SLC24A2: variants seen among roughly 807,000 people sequenced by gnomAD.
SLC24A2 encodes the protein sodium/potassium/calcium exchanger 2.
SLC24A2 carries 36 observed loss-of-function variants against 62.0 expected under a neutral mutation model. The observed-to-expected ratio is 0.58, with a 90% CI of 0.44 to 0.77. SLC24A2 has a LOEUF of 0.77. SLC24A2 is among the 30% of genes least tolerant of loss of function. The pLI is 0.00. For missense variants in SLC24A2, 846 were observed against 817.9 expected (o/e 1.03, Z -0.42); for synonymous variants, 358 against 294.0 (o/e 1.22, Z -2.23).
chr9:19,863,665 G>A, the SLC24A2 span, among the ~76,000 whole-genome samples: 1 of 149,604 alleles, frequency 6.7e-6, no homozygotes, highest in East Asian at 1.9e-4. Context: ...TTAAACAAAT[G>A]CTAACAGAAA....
the SLC24A2 span, among the ~76,000 whole-genome samples, chr9:20,009,509 C>A: frequency 6.6e-6 from 1 of 151,986 alleles, no homozygotes; most frequent in Non-Finnish European, 1.5e-5. Context: ...AGAAACTACC[C>A]AATAGCATCA....
chr9:19,726,418 T>C (rs1821173030), intron 2 of SLC24A2, among the ~76,000 whole-genome samples: 1 of 152,184 alleles, frequency 6.6e-6, no homozygotes, highest in African/African-American at 2.4e-5. Context: ...GTTGATTTTG[T>C]TTGTTCATCT....
intron 2 of SLC24A2, among the ~76,000 whole-genome samples, chr9:19,752,417 A>G (rs548369102): frequency 9.0e-4 from 136 of 150,552 alleles, no homozygotes; most frequent in African/African-American, 3.1e-3. Flanking sequence ...AAGATTCCCT[A>G]TGACTGGAGA....
chr9:19,907,146 T>A, the SLC24A2 span, among the ~76,000 whole-genome samples: 1 of 152,172 alleles, frequency 6.6e-6, no homozygotes, highest in African/African-American at 2.4e-5. Flanking sequence ...GTGGGCTTCA[T>A]CCCTGGGATG....
At chr9:19,551,375 C>G (rs1429501778) in intron 7 of SLC24A2, among the ~76,000 whole-genome samples, 2 of 152,184 alleles carry the variant, frequency 1.3e-5, no homozygotes, top group African/African-American at 4.8e-5. Context: ...AAGTCAGTAG[C>G]TTCTGAAGTC....
chr9:20,065,669 G>A, the SLC24A2 span, among the ~76,000 whole-genome samples: 5 of 152,226 alleles, frequency 3.3e-5, no homozygotes, highest in South Asian at 6.2e-4. Context: ...CCTATATACA[G>A]GTAAGAATCT....
chr9:20,159,327 A>C, the SLC24A2 span, among the ~76,000 whole-genome samples: 1 of 151,634 alleles, frequency 6.6e-6, no homozygotes, highest in Non-Finnish European at 1.5e-5. Flanking sequence ...TGAAATTTTA[A>C]TACCTTGCAT....
chr9:19,547,410 G>A (rs1314240756), intron 8 of SLC24A2, among the ~76,000 whole-genome samples: 1 of 152,148 alleles, frequency 6.6e-6, no homozygotes, highest in East Asian at 1.9e-4. Flanking sequence ...CCGGATTGTG[G>A]CATCAGCCAG....
the SLC24A2 span, among the ~76,000 whole-genome samples, chr9:20,016,305 T>C: frequency 6.6e-6 from 1 of 152,204 alleles, no homozygotes; most frequent in African/African-American, 2.4e-5. Flanking sequence ...GATACTTTAT[T>C]GATTTATACA....
At chr9:20,265,253 T>C in the SLC24A2 span, among the ~76,000 whole-genome samples, 2 of 152,088 alleles carry the variant, frequency 1.3e-5, no homozygotes, top group Non-Finnish European at 2.9e-5. Flanking sequence ...GGATTCCTGG[T>C]AAAGGCAGGG....
intron 7 of SLC24A2, among the ~76,000 whole-genome samples, chr9:19,561,435 A>AT (rs1835394902): frequency 2.5e-5 from 2 of 78,946 alleles, no homozygotes; most frequent in Non-Finnish European, 4.9e-5. Context: ...TGGAAAACAG[A>AT]CTTTTTTTTT....
the SLC24A2 span, among the ~76,000 whole-genome samples, chr9:20,105,343 C>A: frequency 9.9e-5 from 15 of 152,054 alleles, no homozygotes; most frequent in Non-Finnish European, 1.6e-4. Context: ...TTGCACCAAG[C>A]GGACCTAATA....
chr9:20,188,112 T>G, the SLC24A2 span, among the ~76,000 whole-genome samples: 1 of 116,500 alleles, frequency 8.6e-6, no homozygotes, highest in Non-Finnish European at 2.0e-5. Flanking sequence ...AGAAGAGGAT[T>G]AGAGTCAGAA....
chr9:20,225,578 T>TATATATATATAATATA, the SLC24A2 span, among the ~76,000 whole-genome samples: 1 of 126,664 alleles, frequency 7.9e-6, no homozygotes, highest in Middle Eastern at 3.6e-3. Context: ...ATATATAATT[T>TATATATATATAATATA]CATTTAAAGA....
chr9:20,149,455 C>T, the SLC24A2 span, among the ~76,000 whole-genome samples: 1 of 151,720 alleles, frequency 6.6e-6, no homozygotes. Flanking sequence ...TCCTTAGGGT[C>T]ATGTCTAAGA....
At chr9:20,206,633 G>A in the SLC24A2 span, among the ~76,000 whole-genome samples, 1 of 151,920 alleles carries the variant, frequency 6.6e-6, no homozygotes, top group African/African-American at 2.4e-5. Flanking sequence ...GGGATTACAG[G>A]CTTGCACCCA....
chr9:19,786,849 G>C lies in SLC24A2; in HGVS notation c.18C>G (p.Ser6Arg). The change falls in exon 2 of 11, where the codon AGC becomes AGG. Residue 6 changes from serine to arginine, a missense_variant. Coordinates refer to ENST00000341998, the MANE Select transcript of SLC24A2 (RefSeq NM_020344.4). This position sits in a 1 kb window ranked among gnomAD's most constrained non-coding sequence, Gnocchi z 5.0. ...ATTTCTCTAGGGAAGTGATGGTGGTGCTTTGTTGCAGATCCATCCTGGGTC... is the reference window on the plus strand; with the variant it reads ...ATTTCTCTAGGGAAGTGATGGTGGTCCTTTGTTGCAGATCCATCCTGGGTC... MDLQQ[S>R]TTITSLEKWC... 1 of 1,610,918 alleles carries C rather than the reference G, an allele frequency of 6.2e-7. No homozygotes were observed. Among genetic ancestry groups the C allele is most frequent in the Non-Finnish European group, 8.5e-7 (1 of 1,179,912 alleles).
In SLC24A2 at chr9:19,576,946, C is replaced by G. The variant is rs1260428109; in HGVS notation, c.1206G>C (p.Gln402His). The stretch of plus-strand genomic sequence containing the variant: ...CACCCACGTGGTTGGCAGCCCCATT[C>G]TGCCTCTCGTTCTCATCCACATGAC... ...KKCHVDENER[Q>H]NGAANHVEKI... The change falls in exon 6 of 11, where the codon CAG (glutamine) becomes CAC (histidine). Residue 402 changes from glutamine to histidine, a missense_variant. By Grantham distance (24) the Gln-to-His change is conservative. Transcript: ENST00000341998. The G allele has an allele frequency of 1.9e-6, 3 of 1,613,944 alleles. No individual in the cohort carries two copies. In the African/African-American group the frequency reaches 4.0e-5, roughly 22 times the overall value.
the SLC24A2 span, among the ~76,000 whole-genome samples, chr9:20,226,088 A>T: frequency 6.6e-6 from 1 of 152,118 alleles, no homozygotes; most frequent in South Asian, 2.1e-4. Flanking sequence ...AATCAACCAC[A>T]TTGGAGAAAG....
Sources: allele counts gnomAD v4.1 joint callset (sites outside exome capture counted in the v4.1 genomes callset), GRCh38; gene constraint gnomAD v4.1.1; non-coding constraint Gnocchi (gnomAD v3.1); transcripts MANE v1.5; gene names NCBI Gene and HGNC (gene_info 2026-07-23, HGNC 2026-07-21).